MYLK2: variants seen among roughly 807,000 people sequenced by gnomAD.
The protein encoded by MYLK2 is myosin light chain kinase 2, skeletal/cardiac muscle.
A neutral mutation model predicts 58.2 loss-of-function variants in MYLK2; 27 were observed. That is an observed-to-expected ratio of 0.46 (90% CI 0.34 to 0.64). The LOEUF is 0.64. Among genes scored for constraint, MYLK2 ranks in the 30% least tolerant of loss-of-function variants. The pLI is 0.01. For synonymous variants in MYLK2, 310 were observed against 296.7 expected, an observed-to-expected ratio of 1.04 and a Z score of -0.46; for missense variants, 676 against 764.3, an observed-to-expected ratio of 0.88 and a Z score of 1.36.
In MYLK2 at chr20:31,820,404, C is replaced by T. The variant is rs750548324; in HGVS notation, c.331C>T (p.Pro111Ser). 221 of 1,612,808 alleles carry T rather than the reference C, an allele frequency of 1.4e-4. 2 individuals carry two copies. The highest frequency in any genetic ancestry group is 9.9e-4 in the Middle Eastern group (6 of 6,082). ...TATPETSVKK[P>S]KAEQGASGSQ... ...GACACCTGAGACCAGCGTCAAGAAG[C>T]CCAAGGCTGAGCAGGGAGCCTCAGG... Residue 111 changes from proline (P) to serine (S), a missense_variant, in exon 3 of 13, where the codon CCC (proline) becomes TCC (serine). Pro to Ser is a moderately conservative substitution (Grantham distance 74). This residue lies in a region of MYLK2 where 306 missense variants were observed against 296.5 expected (regional missense o/e 1.03). Coordinates refer to ENST00000375985, the MANE Select transcript of MYLK2 (RefSeq NM_033118.4).
chr20:31,832,969 T>C (rs2062314136), intron 12 of MYLK2, among the ~76,000 whole-genome samples: 1 of 152,180 alleles, frequency 6.6e-6, no homozygotes, highest in Non-Finnish European at 1.5e-5. Context: ...CTCACTGTAG[T>C]CTTGACCTTC....
rs372190501 is a variant in MYLK2 at position 31,833,713 on chromosome 20, C to T, written c.1711-4C>T. ...ACTGGGACTCCCTCTCTTCTGCCCT[C>T]TAGAAAAACTTCATTGCTGTCAGCG... is the stretch of plus-strand genomic sequence containing the variant. On this transcript the variant is annotated splice_region_variant and splice_polypyrimidine_tract_variant and intron_variant, in intron 12 of 12. Transcript: ENST00000375985. 30 of 1,613,860 alleles carry T rather than the reference C, an allele frequency of 1.9e-5. 1 individual carries two copies. In the South Asian group the frequency reaches 3.1e-4, roughly 17 times the overall value.
chr20:31,820,638 C>G (rs567879379), intron 3 of MYLK2, 92 bp downstream of exon 3: 19 of 1,452,858 alleles, frequency 1.3e-5, no homozygotes, highest in African/African-American at 1.3e-4. Context: ...TGGTTATCAT[C>G]ACATTCAGTG....
intron 8 of MYLK2, chr20:31,828,647 G>A: frequency 1.0e-6 from 1 of 985,468 alleles, no homozygotes; most frequent in Non-Finnish European, 1.2e-6. Flanking sequence ...CGCACTGGGT[G>A]AAATTGAAGT....
intron 12 of MYLK2, 123 bp downstream of exon 12, chr20:31,832,259 A>G: frequency 7.3e-7 from 1 of 1,372,092 alleles, no homozygotes; most frequent in Non-Finnish European, 1.0e-6. Flanking sequence ...CCCTGTCCGG[A>G]AGACAGGGTT....
At chr20:31,827,149 A>G in intron 8 of MYLK2, 1 of 983,602 alleles carries the variant, frequency 1.0e-6, no homozygotes, top group Non-Finnish European at 1.2e-6. Context: ...GAAAAAAAAA[A>G]GACGTGGTAC....
intron 3 of MYLK2, among the ~76,000 whole-genome samples, chr20:31,820,893 C>G (rs551572385): frequency 1.2e-4 from 19 of 152,190 alleles, no homozygotes; most frequent in Non-Finnish European, 2.5e-4. Context: ...CTAAAGGTGT[C>G]AGGCAAAAGG....
intron 8 of MYLK2, 178 bp downstream of exon 8, chr20:31,827,116 C>T (rs2062284549): frequency 1.0e-6 from 1 of 977,726 alleles, no homozygotes; most frequent in African/African-American, 1.8e-5. Context: ...GAGCCGGGGG[C>T]ACAGCAAAGA....
chr20:31,826,607 A>C lies in MYLK2; in HGVS notation c.975A>C (p.Glu325Asp), dbSNP rs753697541. The C allele has an allele frequency of 6.2e-7, 1 of 1,613,968 alleles. No individual in the cohort carries two copies. Among genetic ancestry groups the C allele is most frequent in the Non-Finnish European group, 8.5e-7 (1 of 1,179,992 alleles). ...CCCTTGACTTCCCTGGTCCCCAGGAAATGGTGTTGCTGGAGATTGAGGTCA... is the reference window on the plus strand; with the variant it reads ...CCCTTGACTTCCCTGGTCCCCAGGACATGGTGTTGCTGGAGATTGAGGTCA... ...VIKKQTPKDK[E>D]MVLLEIEVMN... The change falls in exon 7 of 13, where the codon GAA (glutamate) becomes GAC (aspartate). Residue 325 changes from glutamate to aspartate, a missense_variant and splice_region_variant. By Grantham distance (45) the Glu-to-Asp change is conservative (BLOSUM62 2). This residue lies in a region of MYLK2 where 370 missense variants were observed against 467.8 expected (regional missense o/e 0.79). Coordinates refer to ENST00000375985, the MANE Select transcript of MYLK2 (RefSeq NM_033118.4).
At chr20:31,824,470 G>A in intron 6 of MYLK2, 118 bp downstream of exon 6, 1 of 1,535,906 alleles carries the variant, frequency 6.5e-7, no homozygotes, top group Non-Finnish European at 8.8e-7. Flanking sequence ...GGAGTTTGTT[G>A]CAGTGAAAAT....
intron 5 of MYLK2, chr20:31,823,918 T>A (rs2062265308): frequency 1.0e-6 from 1 of 984,544 alleles, no homozygotes; most frequent in Non-Finnish European, 1.2e-6. Flanking sequence ...CTTATACCTC[T>A]GCAGATCCTC....
Position 31,821,559 on chromosome 20 carries a change from C to T in MYLK2, c.594C>T (p.Asn198=), listed in dbSNP as rs771352528. Residue 198 remains asparagine (N), a synonymous_variant, in exon 4 of 13, where the codon AAC becomes AAT. Coordinates refer to ENST00000375985, the MANE Select transcript of MYLK2 (RefSeq NM_033118.4). The stretch of plus-strand genomic sequence containing the variant: ...CAGCCAAGGCAGAAGAAGGAAAGAA[C>T]ATCCTGGCAGAGAGCCAGAAGGAAG... ...PRPAKAEEGK[N]ILAESQKEVG... 5.0e-6 allele frequency: 8 copies of T among 1,613,990 alleles called. No homozygotes were observed. Among genetic ancestry groups the T allele is most frequent in the Admixed American group, 3.3e-5 (2 of 60,016 alleles).
At position 31,826,610 on chromosome 20, in the gene MYLK2, G is replaced by A; in HGVS notation, c.978G>A (p.Met326Ile). Residue 326 changes from methionine (M) to isoleucine (I), a missense_variant, in exon 7 of 13, where the codon ATG becomes ATA. By Grantham distance (10) the Met-to-Ile change is conservative. Transcript: ENST00000375985. ...TTGACTTCCCTGGTCCCCAGGAAAT[G>A]GTGTTGCTGGAGATTGAGGTCATGA... is the stretch of plus-strand genomic sequence containing the variant. ...IKKQTPKDKE[M>I]VLLEIEVMNQ... 1 of 1,614,058 alleles carries A rather than the reference G, an allele frequency of 6.2e-7. No homozygotes were observed. The highest frequency in any genetic ancestry group is 8.5e-7 in the Non-Finnish European group (1 of 1,180,008).
intron 2 of MYLK2, 88 bp downstream of exon 2, chr20:31,819,720 T>C: frequency 6.8e-7 from 1 of 1,460,542 alleles, no homozygotes; most frequent in Non-Finnish European, 9.4e-7. Context: ...GTGGGAGTTC[T>C]GTGCCCCAGC....
At chr20:31,823,843 C>G (rs2062264782) in intron 5 of MYLK2, 1 of 691,282 alleles carries the variant, frequency 1.4e-6, no homozygotes, top group Admixed American at 6.3e-5. Flanking sequence ...CTGTCTGTCT[C>G]AGCTCCAGGC....
chr20:31,822,483 G>A (rs548755364), intron 4 of MYLK2, among the ~76,000 whole-genome samples: 2 of 152,308 alleles, frequency 1.3e-5, no homozygotes, highest in South Asian at 2.1e-4. Context: ...CTGTGGAGTG[G>A]CCTTCATTGA....
At chr20:31,827,605 G>A (rs1463978843) in intron 8 of MYLK2, 8 of 925,252 alleles carry the variant, frequency 8.6e-6, no homozygotes, top group East Asian at 1.2e-4. Context: ...TGCAACCTCC[G>A]CCTCCTGGGT....
At chr20:31,826,470 G>A (rs899876568) in intron 6 of MYLK2, 135 bp from the exon 7 acceptor site, 2 of 1,184,664 alleles carry the variant, frequency 1.7e-6, no homozygotes, top group East Asian at 2.5e-5. Context: ...GGGTGGGGGA[G>A]AGAGGAGAGG....
chr20:31,826,946 A>C lies in MYLK2; in HGVS notation c.1224+8A>C, dbSNP rs375144075. ...TTGCACCTGGACCTCAAGGTACCAG[A>C]CTGGGGCCTCCTGGGAAGGGTCAGG... is the stretch of plus-strand genomic sequence containing the variant. On this transcript the variant is annotated splice_region_variant and intron_variant, in intron 8 of 12. Transcript: ENST00000375985. 418 of 1,614,012 alleles carry C rather than the reference A, an allele frequency of 2.6e-4. 7 individuals are homozygous for C. The South Asian group carries it at 3.8e-3, about 15-fold the overall frequency.
Sources: allele counts gnomAD v4.1 joint callset (sites outside exome capture counted in the v4.1 genomes callset), GRCh38; gene constraint gnomAD v4.1.1; regional missense constraint gnomAD v4.1.1; transcripts MANE v1.5; gene names NCBI Gene and HGNC (gene_info 2026-07-23, HGNC 2026-07-21).